The following ADAMTSL1 variants were observed in gnomAD, a reference collection of about 807,000 sequenced individuals.
ADAMTSL1 encodes the protein ADAMTS-like protein 1.
ADAMTSL1 carries 126 observed loss-of-function variants against 201.8 expected under a neutral mutation model. That is an observed-to-expected ratio of 0.62 (90% confidence interval 0.54 to 0.72). The LOEUF (loss-of-function observed/expected upper bound fraction) is 0.72. Ranked by LOEUF, ADAMTSL1 falls within the 30% of genes least tolerant of loss-of-function variation. ADAMTSL1 has a pLI of 0.00. For synonymous variants in ADAMTSL1, 1,121 were observed against 903.4 expected, an observed-to-expected ratio of 1.24 and a Z score of -4.32; for missense variants, 2,679 against 2,277.8, an observed-to-expected ratio of 1.18 and a Z score of -3.59.
At chr9:18,276,665 G>A (rs922365291) in intron 2 of ADAMTSL1, among the ~76,000 whole-genome samples, 1 of 152,186 alleles carries the variant, frequency 6.6e-6, no homozygotes, top group Non-Finnish European at 1.5e-5. Context: ...TTACAATCAG[G>A]GCAGAAGGCA....
At chr9:18,493,102 T>A (rs887462860) in intron 1 of ADAMTSL1, among the ~76,000 whole-genome samples, 1 of 152,196 alleles carries the variant, frequency 6.6e-6, no homozygotes, top group African/African-American at 2.4e-5. Flanking sequence ...ATTGATATTT[T>A]GCCTCTATTA....
chr9:18,781,749 G>T (rs1444178739), intron 19 of ADAMTSL1, among the ~76,000 whole-genome samples: 1 of 152,210 alleles, frequency 6.6e-6, no homozygotes, highest in Non-Finnish European at 1.5e-5. Flanking sequence ...GCATCTGCAA[G>T]ATTCAGCTGT....
intron 2 of ADAMTSL1, among the ~76,000 whole-genome samples, chr9:18,285,082 A>G (rs532122566): frequency 5.9e-5 from 9 of 152,284 alleles, no homozygotes; most frequent in African/African-American, 2.2e-4. Context: ...TGGATATTCA[A>G]CAGTATTTTT....
chr9:18,113,179 A>G (rs1337359673), intron 1 of ADAMTSL1, among the ~76,000 whole-genome samples: 3 of 152,124 alleles, frequency 2.0e-5, no homozygotes, highest in Non-Finnish European at 2.9e-5. Context: ...GGTTGGAAAG[A>G]AAGAGATGAA....
chr9:17,937,817 C>G (rs1431947138), intron 1 of ADAMTSL1, among the ~76,000 whole-genome samples: 1 of 152,096 alleles, frequency 6.6e-6, no homozygotes, highest in African/African-American at 2.4e-5. Flanking sequence ...TCTAATGCTT[C>G]CTTTTAAAAC....
intron 1 of ADAMTSL1, among the ~76,000 whole-genome samples, chr9:18,017,467 C>A (rs1225821933): frequency 6.6e-6 from 1 of 151,904 alleles, no homozygotes; most frequent in Non-Finnish European, 1.5e-5. Flanking sequence ...TATGTTGACA[C>A]CTTACAGGAT....
At chr9:18,365,178 C>A (rs1208226635) in intron 2 of ADAMTSL1, among the ~76,000 whole-genome samples, 1 of 152,056 alleles carries the variant, frequency 6.6e-6, no homozygotes, top group Non-Finnish European at 1.5e-5. Context: ...CAATAGTAGA[C>A]TAGATAAGCA....
At chr9:18,648,411 T>C (rs1357021707) in intron 7 of ADAMTSL1, among the ~76,000 whole-genome samples, 1 of 152,182 alleles carries the variant, frequency 6.6e-6, no homozygotes, top group Non-Finnish European at 1.5e-5. Context: ...TTGTTATGTA[T>C]GACTTTGATC....
chr9:18,491,065 C>T (rs1445538471), intron 1 of ADAMTSL1, among the ~76,000 whole-genome samples: 4 of 152,148 alleles, frequency 2.6e-5, no homozygotes, highest in Non-Finnish European at 4.4e-5. Context: ...AAAGTGCTTT[C>T]GTCTTAATAG....
intron 2 of ADAMTSL1, among the ~76,000 whole-genome samples, chr9:18,253,135 G>A (rs1009157662): frequency 9.2e-5 from 14 of 152,194 alleles, no homozygotes; most frequent in African/African-American, 3.1e-4. Flanking sequence ...AAACCAAGGT[G>A]TAGAACAATA....
chr9:18,450,531 A>G (rs1232143399), intron 2 of ADAMTSL1, among the ~76,000 whole-genome samples: 1 of 151,968 alleles, frequency 6.6e-6, no homozygotes, highest in East Asian at 1.9e-4. Context: ...TGAAAACCAT[A>G]TCTCTTTTTA....
At chr9:18,833,750 T>G (rs1825143859) in intron 23 of ADAMTSL1, among the ~76,000 whole-genome samples, 1 of 152,222 alleles carries the variant, frequency 6.6e-6, no homozygotes, top group Admixed American at 6.5e-5. Flanking sequence ...GTCTTCATCA[T>G]GAAACCTTTG....
intron 2 of ADAMTSL1, among the ~76,000 whole-genome samples, chr9:18,304,430 T>C (rs1833829722): frequency 7.5e-6 from 1 of 133,664 alleles, no homozygotes; most frequent in Non-Finnish European, 1.5e-5. Context: ...GTGCCTAGTG[T>C]TATCATGTGA....
At chr9:18,140,563 A>G (rs1319298270) in intron 1 of ADAMTSL1, among the ~76,000 whole-genome samples, 2 of 152,200 alleles carry the variant, frequency 1.3e-5, no homozygotes, top group African/African-American at 2.4e-5. Flanking sequence ...GGGGCTAGTC[A>G]TATAGGTGTC....
intron 20 of ADAMTSL1, among the ~76,000 whole-genome samples, chr9:18,810,387 G>A (rs1413764509): frequency 1.3e-5 from 2 of 152,136 alleles, no homozygotes; most frequent in East Asian, 1.9e-4. Context: ...AGAAGAAAGA[G>A]GGATAGCTTC....
At chr9:18,332,487 C>G (rs553671458) in intron 2 of ADAMTSL1, among the ~76,000 whole-genome samples, 7 of 152,196 alleles carry the variant, frequency 4.6e-5, no homozygotes, top group African/African-American at 1.4e-4. Flanking sequence ...ATCCTGCTCT[C>G]TCACTCAGGC....
At chr9:18,338,070 T>C (rs948175919) in intron 2 of ADAMTSL1, among the ~76,000 whole-genome samples, 1 of 152,160 alleles carries the variant, frequency 6.6e-6, no homozygotes, top group Non-Finnish European at 1.5e-5. Flanking sequence ...CTTTGTTGAT[T>C]ACTTTCACTG....
chr9:18,266,071 A>G (rs886905464), intron 2 of ADAMTSL1, among the ~76,000 whole-genome samples: 25 of 152,332 alleles, frequency 1.6e-4, no homozygotes, highest in African/African-American at 4.8e-4. Context: ...ATTTATAAAG[A>G]CCACTCTGGC....
chr9:18,003,689 A>G (rs980258643), intron 1 of ADAMTSL1, among the ~76,000 whole-genome samples: 7 of 152,072 alleles, frequency 4.6e-5, no homozygotes, highest in African/African-American at 1.7e-4. Flanking sequence ...TCTTTGATGT[A>G]TTGTGCTGTA....
Sources: allele counts gnomAD v4.1 joint callset (sites outside exome capture counted in the v4.1 genomes callset), GRCh38; gene constraint gnomAD v4.1.1; transcripts MANE v1.5; gene names NCBI Gene and HGNC (gene_info 2026-07-23, HGNC 2026-07-21).